NIPSNAP1: variants seen among roughly 807,000 people sequenced by gnomAD.
The protein encoded by NIPSNAP1 is nipsnap homolog 1.
A neutral mutation model predicts 49.2 loss-of-function variants in NIPSNAP1; 25 were observed. That is an observed-to-expected ratio of 0.51 (90% confidence interval 0.37 to 0.71). NIPSNAP1 has a LOEUF of 0.71. Among genes scored for constraint, NIPSNAP1 ranks in the 30% least tolerant of loss-of-function variants. The pLI, the probability that NIPSNAP1 is intolerant of heterozygous loss-of-function variation, is 0.00. For synonymous variants in NIPSNAP1, 143 were observed against 140.7 expected (o/e 1.02, Z -0.12); for missense variants, 294 against 361.0 (o/e 0.81, Z 1.50).
In NIPSNAP1 at chr22:29,569,304, G is replaced by C. The variant is rs71331203; in HGVS notation, c.273-17C>G. 2.5e-6 allele frequency: 4 copies of C among 1,601,392 alleles called. No individual in the cohort carries two copies. The Admixed American group carries it at 6.7e-5, about 27-fold the overall frequency. The stretch of plus-strand genomic sequence containing the variant: ...ACAGCCTCCCTGTGGGGGAGGTGCA[G>C]AGAGGGGCAGGGTTCACATAGCCAC... On this transcript the variant is annotated splice_polypyrimidine_tract_variant and intron_variant, in intron 3 of 9. Transcript: ENST00000216121.
chr22:29,565,209 G>T (rs1235971949), intron 4 of NIPSNAP1, among the ~76,000 whole-genome samples: 2 of 150,682 alleles, frequency 1.3e-5, no homozygotes, highest in East Asian at 3.9e-4. Context: ...GTCCCAAACA[G>T]AAAAATAAAA....
chr22:29,574,289 A>AGAAAGAAAAAG lies in NIPSNAP1; in HGVS notation c.99-3758_99-3757insCTTTTTCTTTC, dbSNP rs368067584. 4.1e-3 allele frequency among the ~76,000 whole-genome samples: 512 copies of AGAAAGAAAAAG among 125,308 alleles called. 23 individuals carry two copies. Among genetic ancestry groups the AGAAAGAAAAAG allele is most frequent in the African/African-American group, 0.016 (476 of 30,552 alleles). The allele number at this position is 125,308 out of a possible 152,430, so 82.2% of individuals were successfully genotyped here. ...AAAAAAAAAAAAAAAAAAAAAAAAA[A>AGAAAGAAAAAG]AAAGAAAGAAAAAGAAAAGAAAATA... is the stretch of plus-strand genomic sequence containing the variant. On this transcript the variant is annotated intron_variant, in intron 1 of 9. Transcript: ENST00000216121.
chr22:29,556,564 C>G (rs2064296033), intron 9 of NIPSNAP1, among the ~76,000 whole-genome samples: 1 of 152,098 alleles, frequency 6.6e-6, no homozygotes, highest in Admixed American at 6.6e-5. Context: ...AGACCAACTG[C>G]CTCGTTTTAC....
At chr22:29,576,891 C>A (rs1284524780) in intron 1 of NIPSNAP1, among the ~76,000 whole-genome samples, 1 of 149,934 alleles carries the variant, frequency 6.7e-6, no homozygotes, top group Non-Finnish European at 1.5e-5. Flanking sequence ...CGCCACTGCA[C>A]TCCAGCCTGG....
rs746073989 is a variant in NIPSNAP1, at chr22:29,579,079, CT to C, written c.98+1905del. Among the ~76,000 whole-genome samples the C allele has an allele frequency of 1.9e-4, 28 of 147,660 alleles. 1 individual carries two copies. The highest frequency in any genetic ancestry group is 3.7e-4 in the Non-Finnish European group (25 of 67,056). ...GCTAGACACTTCACAACCACGGAAT[CT>C]TTTTTTTTTGTAGACGGAGTCTCGC... On this transcript the variant is annotated intron_variant, in intron 1 of 9. Transcript: ENST00000216121.
At chr22:29,568,677 A>G (rs927945136) in intron 4 of NIPSNAP1, among the ~76,000 whole-genome samples, 2 of 152,108 alleles carry the variant, frequency 1.3e-5, no homozygotes, top group Non-Finnish European at 2.9e-5. Context: ...CTGTAATCCC[A>G]GCTACTCAGG....
chr22:29,557,398 G>T (rs1291308119), intron 9 of NIPSNAP1, among the ~76,000 whole-genome samples: 1 of 151,812 alleles, frequency 6.6e-6, no homozygotes, highest in East Asian at 1.9e-4. Flanking sequence ...GATTACAGGT[G>T]TAAGCCACTG....
chr22:29,579,490 G>A (rs998043071), intron 1 of NIPSNAP1, among the ~76,000 whole-genome samples: 6 of 151,744 alleles, frequency 4.0e-5, no homozygotes, highest in African/African-American at 1.2e-4. Flanking sequence ...TAGAGATGGG[G>A]TTTCACCGTG....
chr22:29,560,241 C>CTTTTTTTTTTT (rs35947318), intron 8 of NIPSNAP1, among the ~76,000 whole-genome samples: 20 of 145,272 alleles, frequency 1.4e-4, no homozygotes, highest in Non-Finnish European at 1.0e-4. Flanking sequence ...CTCTCCCTGC[C>CTTTTTTTTTTT]TTTTTTTTTT....
chr22:29,581,027 G>C lies in NIPSNAP1; in HGVS notation c.56C>G (p.Pro19Arg). ...CGCAACGTCCCCAGCGCGAGGCCCC[G>C]GGCCCCCCAGCAGCCGCCGCGCCGT... ...SVTARRLLGG[P>R]GPRAGDVASA... Residue 19 changes from proline to arginine, a missense_variant, in exon 1 of 10, where the codon CCG (proline) becomes CGG (arginine). This residue lies in a region of NIPSNAP1 where 88 missense variants were observed against 76.1 expected (regional missense o/e 1.16). Transcript: ENST00000216121. 1 of 1,537,190 alleles carries C rather than the reference G, an allele frequency of 6.5e-7. No homozygotes were observed. Among genetic ancestry groups the C allele is most frequent in the East Asian group, 2.5e-5 (1 of 40,636 alleles).
Position 29,561,664 on chromosome 22 carries a change from A to C in NIPSNAP1, c.439-18T>G. On this transcript the variant is annotated intron_variant, in intron 5 of 9. Transcript: ENST00000216121. ...AGGTACTCCTGTGGGCATGGTGGTA[A>C]AGGCATGGCTACCAGGAAGTGCGCT... is the stretch of plus-strand genomic sequence containing the variant. 1.2e-6 allele frequency: 2 copies of C among 1,614,054 alleles called. No individual in the cohort carries two copies. The highest frequency in any genetic ancestry group is 2.2e-5 in the South Asian group (2 of 91,088).
chr22:29,564,596 TAG>T (rs952177064), intron 4 of NIPSNAP1, among the ~76,000 whole-genome samples: 10 of 152,026 alleles, frequency 6.6e-5, no homozygotes, highest in Admixed American at 1.3e-4. Flanking sequence ...GTATTTTTAG[TAG>T]AGACAGGGTT....
chr22:29,561,699 C>T (rs2064337058), intron 5 of NIPSNAP1, 53 bp from the exon 6 acceptor site: 11 of 1,614,096 alleles, frequency 6.8e-6, no homozygotes, highest in Non-Finnish European at 9.3e-6. Flanking sequence ...TCCATCCTGA[C>T]AGTGTGCCTC....
intron 1 of NIPSNAP1, among the ~76,000 whole-genome samples, chr22:29,574,952 A>G (rs2064440796): frequency 6.6e-6 from 1 of 152,144 alleles, no homozygotes; most frequent in African/African-American, 2.4e-5. Context: ...TAGTATTCCC[A>G]TTCTCGCGAG....
chr22:29,557,112 AT>A (rs1243018050), intron 9 of NIPSNAP1, among the ~76,000 whole-genome samples: 2 of 147,578 alleles, frequency 1.4e-5, no homozygotes, highest in Non-Finnish European at 3.0e-5. Context: ...ACCACACTTG[AT>A]TTTTTTTGTT....
chr22:29,560,514 G>A (rs186975018), intron 8 of NIPSNAP1, among the ~76,000 whole-genome samples: 1 of 152,154 alleles, frequency 6.6e-6, no homozygotes, highest in African/African-American at 2.4e-5. Context: ...CCAAAGTGTC[G>A]TGATTATACA....
intron 1 of NIPSNAP1, among the ~76,000 whole-genome samples, chr22:29,579,289 C>CTTTTTTTTTT (rs34084606): frequency 1.7e-5 from 1 of 57,374 alleles, no homozygotes. Context: ...AATTTTTGTA[C>CTTTTTTTTTT]TTTTTTTTTT....
At chr22:29,557,031 G>C (rs771010730) in intron 9 of NIPSNAP1, among the ~76,000 whole-genome samples, 2 of 152,108 alleles carry the variant, frequency 1.3e-5, no homozygotes, top group Non-Finnish European at 2.9e-5. Flanking sequence ...TGACAGGCGT[G>C]AGCCACTGCG....
At chr22:29,575,234 GACC>G (rs1398727136) in intron 1 of NIPSNAP1, among the ~76,000 whole-genome samples, 116 of 152,284 alleles carry the variant, frequency 7.6e-4, no homozygotes, top group African/African-American at 2.6e-3. Flanking sequence ...CATCAGCACT[GACC>G]AAGATAAATA....
Sources: allele counts gnomAD v4.1 joint callset (sites outside exome capture counted in the v4.1 genomes callset), GRCh38; gene constraint gnomAD v4.1.1; regional missense constraint gnomAD v4.1.1; transcripts MANE v1.5; gene names NCBI Gene and HGNC (gene_info 2026-07-23, HGNC 2026-07-21).